ZNF217: variants seen among roughly 807,000 people sequenced by gnomAD.
The protein encoded by ZNF217 is zinc finger protein 217.
A neutral mutation model predicts 73.3 loss-of-function variants in ZNF217; 12 were observed. That is an observed-to-expected ratio of 0.16 (90% CI 0.10 to 0.27). ZNF217 has a LOEUF of 0.27. Ranked by LOEUF, ZNF217 falls within the 10% of genes least tolerant of loss-of-function variation. The probability of loss-of-function intolerance (pLI) is 1.00; values close to 1 mark genes in which losing one functional copy is unlikely to be tolerated. For missense variants in ZNF217, 1,195 were observed against 1,327.8 expected, an observed-to-expected ratio of 0.90 and a Z score of 1.55; for synonymous variants, 588 against 516.4, an observed-to-expected ratio of 1.14 and a Z score of -1.88.
chr20:53,580,804 C>G (rs905498654), intron 2 of ZNF217, among the ~76,000 whole-genome samples: 2 of 152,076 alleles, frequency 1.3e-5, no homozygotes, highest in Non-Finnish European at 2.9e-5. Context: ...TGGACAGCAC[C>G]AAACGGCTGC....
Position 53,568,859 on chromosome 20 carries a change from G to A in ZNF217, c.*429C>T, listed in dbSNP as rs1184421078. On this transcript the variant is annotated 3_prime_UTR_variant, in exon 6 of 6. Coordinates refer to ENST00000371471, the MANE Select transcript of ZNF217 (RefSeq NM_006526.3). ...ATACACACAGTATTTGAACAAGCAG[G>A]TTTACAACTTAGATATTTACAGATT... is the stretch of plus-strand genomic sequence containing the variant. 2 of 168,684 alleles carry A rather than the reference G, an allele frequency of 1.2e-5. No homozygotes were observed. The highest frequency in any genetic ancestry group is 2.6e-5 in the Non-Finnish European group (2 of 78,376). 10.4% of individuals were successfully genotyped at this position (168,684 alleles called of 1,614,324 possible). A position where few individuals can be genotyped will look rare whatever the true frequency, so the allele number is the denominator to read the frequency against.
At chr20:53,597,603 ATG>A (rs1271056356), upstream of ZNF217, 1 of 145,008 alleles carries the variant, frequency 6.9e-6, no homozygotes, top group Non-Finnish European at 1.5e-5. Context: ...ATTTATATAT[ATG>A]TATATATATA....
chr20:53,578,671 TG>T (rs1175101368), intron 2 of ZNF217, among the ~76,000 whole-genome samples: 27 of 152,354 alleles, frequency 1.8e-4, no homozygotes, highest in African/African-American at 5.8e-4. Context: ...TGTTTTTTTC[TG>T]GGTACAGCAG....
intron 1 of ZNF217, among the ~76,000 whole-genome samples, chr20:53,590,338 A>T (rs1436308553): frequency 6.6e-6 from 1 of 152,258 alleles, no homozygotes; most frequent in Non-Finnish European, 1.5e-5. Context: ...GAACGATTTA[A>T]AACAAATCAT....
Position 53,571,821 on chromosome 20 carries a change from T to C in ZNF217, c.3070A>G (p.Asn1024Asp). The C allele has an allele frequency of 6.2e-7, 1 of 1,613,110 alleles. No homozygotes were observed. The highest frequency in any genetic ancestry group is 1.3e-5 in the African/African-American group (1 of 74,924). The change falls in exon 5 of 6, where the codon AAC becomes GAC. Residue 1024 changes from asparagine to aspartate, a missense_variant. Coordinates refer to ENST00000371471, the MANE Select transcript of ZNF217 (RefSeq NM_006526.3). ...TAGTTTCTCTTTTGTGCCATGCTGT[T>C]AGATAAGTGTTGATATGACACAGGC... ...KRPVSYQHLSNSMAQKRNYEN... is the reference protein window; with the variant it reads ...KRPVSYQHLSDSMAQKRNYEN...
Position 53,582,169 on chromosome 20 carries a change from C to T in ZNF217, c.658G>A (p.Val220Ile). ...SISSPYKICM[V>I]CGFLFPNKES... The stretch of plus-strand genomic sequence containing the variant: ...TTATTTGGAAATAGGAAGCCACAAA[C>T]CATGCAGATTTTGTAAGGAGAGGAG... The change falls in exon 2 of 6, where the codon GTT becomes ATT. Residue 220 changes from valine (V) to isoleucine (I), a missense_variant. Physicochemically the swap from Val to Ile is conservative, Grantham distance 29. This residue lies in a region of ZNF217 where 126 missense variants were observed against 114.4 expected (regional missense o/e 1.10). Transcript: ENST00000371471. This position sits in a 1 kb window ranked among gnomAD's most constrained non-coding sequence, Gnocchi z 4.8. The T allele has an allele frequency of 6.2e-7, 1 of 1,614,168 alleles. No individual in the cohort carries two copies. Among genetic ancestry groups the T allele is most frequent in the Non-Finnish European group, 8.5e-7 (1 of 1,180,048 alleles).
chr20:53,591,863 T>C (rs1268092382), intron 1 of ZNF217, among the ~76,000 whole-genome samples: 1 of 152,180 alleles, frequency 6.6e-6, no homozygotes, highest in Admixed American at 6.5e-5. Context: ...TTGTTTGATA[T>C]CAATCAAGAA....
chr20:53,578,688 A>G (rs547668050), intron 2 of ZNF217, among the ~76,000 whole-genome samples: 19 of 152,226 alleles, frequency 1.2e-4, no homozygotes, highest in Non-Finnish European at 2.1e-4. Flanking sequence ...AGCAGAGTAC[A>G]CTATTAAACA....
chr20:53,585,576 T>C (rs979812591), intron 1 of ZNF217, among the ~76,000 whole-genome samples: 1 of 152,160 alleles, frequency 6.6e-6, no homozygotes, highest in African/African-American at 2.4e-5. Flanking sequence ...GATGGAGTGT[T>C]ATTTCCCACT....
intron 4 of ZNF217, chr20:53,575,459 C>A (rs1047515904): frequency 8.4e-5 from 30 of 355,518 alleles, no homozygotes; most frequent in Middle Eastern, 7.3e-4. Context: ...GATGACGGAG[C>A]AAGACCCTTT....
At chr20:53,569,408 A>T (rs930051342) in intron 5 of ZNF217, 144 bp from the exon 6 acceptor site, 53 of 603,632 alleles carry the variant, frequency 8.8e-5, no homozygotes, top group Non-Finnish European at 1.1e-4. Flanking sequence ...TTTTTGAGAC[A>T]GTCTCACTCT....
rs778673367 is a variant in ZNF217, at chr20:53,581,587, C to T, written c.1240G>A (p.Gly414Arg). The change falls in exon 2 of 6, where the codon GGG becomes AGG. Residue 414 changes from glycine to arginine, a missense_variant. By Grantham distance (125) the Gly-to-Arg change is moderately radical. Around this residue, in one of 9 missense-constraint regions of ZNF217, gnomAD observed 116 missense variants for 121.9 expected, o/e 0.95. Transcript: ENST00000371471. The surrounding 1 kb of genome is among the most constrained non-coding windows in gnomAD (Gnocchi z 4.9). ...GAESPTMSVD[G>R]RQPGTCSPDL... ...GGAGAACACGTCCCCGGCTGCCTCCCGTCCACAGACATGGTGGGCGACTCC... is the reference window on the plus strand; with the variant it reads ...GGAGAACACGTCCCCGGCTGCCTCCTGTCCACAGACATGGTGGGCGACTCC... 33 of 1,614,128 alleles carry T rather than the reference C, an allele frequency of 2.0e-5. No homozygotes were observed. The African/African-American group carries it at 2.1e-4, about 10-fold the overall frequency.
intron 5 of ZNF217, 26 bp from the exon 6 acceptor site, chr20:53,569,290 G>T (rs1439238962): frequency 7.8e-7 from 1 of 1,279,850 alleles, no homozygotes; most frequent in Non-Finnish European, 1.0e-6. Flanking sequence ...TTTTTTAAAT[G>T]ATTAAGATCA....
At chr20:53,583,452 T>C (rs1445238086) in intron 1 of ZNF217, among the ~76,000 whole-genome samples, 1 of 152,198 alleles carries the variant, frequency 6.6e-6, no homozygotes, top group East Asian at 1.9e-4. Context: ...AGGTCAGAAA[T>C]TGTTAAATTC....
At chr20:53,571,399 C>T (rs562978367) in intron 5 of ZNF217, among the ~76,000 whole-genome samples, 9 of 46,910 alleles carry the variant, frequency 1.9e-4, no homozygotes, top group African/African-American at 3.3e-4. Flanking sequence ...AATCAATCCC[C>T]GCCCCCGCCC....
At chr20:53,594,201 C>CG (rs924127369), upstream of ZNF217, among the ~76,000 whole-genome samples, 6 of 151,726 alleles carry the variant, frequency 4.0e-5, no homozygotes, top group Admixed American at 2.6e-4. Context: ...AGTGCAGGCG[C>CG]GGGGGGTCCC....
intron 3 of ZNF217, among the ~76,000 whole-genome samples, chr20:53,578,089 G>T (rs1207823199): frequency 2.6e-5 from 4 of 151,964 alleles, no homozygotes; most frequent in African/African-American, 9.7e-5. Context: ...TCCAGCCGAG[G>T]TGACAGAGCA....
chr20:53,577,193 T>C lies in ZNF217; in HGVS notation c.1571A>G (p.Glu524Gly). Residue 524 changes from glutamate (E) to glycine (G), a missense_variant, in exon 4 of 6, where the codon GAA becomes GGA. Glu to Gly is a moderately conservative substitution (Grantham distance 98). Around this residue, in one of 9 missense-constraint regions of ZNF217, gnomAD observed 12 missense variants for 53.8 expected, o/e 0.22. Coordinates refer to ENST00000371471, the MANE Select transcript of ZNF217 (RefSeq NM_006526.3). ...LRYHLERHHK[E>G]KQTDVAAEVK... The stretch of plus-strand genomic sequence containing the variant: ...TTCAGCAGCAACATCGGTTTGTTTT[T>C]CCTTGTGATGTCTCTCCAAGTGATA... 6.2e-7 allele frequency: 1 copy of C among 1,612,456 alleles called. No individual in the cohort carries two copies. The highest frequency in any genetic ancestry group is 8.5e-7 in the Non-Finnish European group (1 of 1,180,040).
At chr20:53,578,838 A>T (rs1196778688) in intron 2 of ZNF217, among the ~76,000 whole-genome samples, 1 of 152,208 alleles carries the variant, frequency 6.6e-6, no homozygotes, top group Non-Finnish European at 1.5e-5. Flanking sequence ...GGGAAAAATT[A>T]TCTTCTTCAG....
Sources: allele counts gnomAD v4.1 joint callset (sites outside exome capture counted in the v4.1 genomes callset), GRCh38; gene constraint gnomAD v4.1.1; regional missense constraint gnomAD v4.1.1; non-coding constraint Gnocchi (gnomAD v3.1); transcripts MANE v1.5; gene names NCBI Gene and HGNC (gene_info 2026-07-23, HGNC 2026-07-21).